Variants in KDM4C observed in about 807,000 individuals in gnomAD.
KDM4C encodes the protein lysine-specific demethylase 4C.
A neutral mutation model predicts 129.3 loss-of-function variants in KDM4C; 81 were observed. The ratio of observed to expected loss-of-function variants is 0.63; its 90% CI spans 0.52 to 0.75. The LOEUF is 0.75. KDM4C is among the 30% of genes least tolerant of loss of function. The probability of loss-of-function intolerance (pLI) is 0.00; values close to 1 mark genes in which losing one functional copy is unlikely to be tolerated. For missense variants in KDM4C, 1,457 were observed against 1,304.0 expected, an observed-to-expected ratio of 1.12 and a Z score of -1.81; for synonymous variants, 573 against 456.1, an observed-to-expected ratio of 1.26 and a Z score of -3.26.
At chr9:6,887,892 T>A (rs953918900) in intron 6 of KDM4C, 68 bp from the exon 7 acceptor site, 21 of 946,902 alleles carry the variant, frequency 2.2e-5, no homozygotes, top group Non-Finnish European at 3.3e-5. Flanking sequence ...AACTTACACA[T>A]TAAAAAACCT....
At chr9:6,990,619 A>G (rs1818572423) in intron 12 of KDM4C, 95 bp downstream of exon 12, 3 of 751,680 alleles carry the variant, frequency 4.0e-6, no homozygotes, top group Non-Finnish European at 6.6e-6. Flanking sequence ...AAAAAATTCA[A>G]CAAGTAGCAA....
At chr9:7,159,244 C>G (rs1421401041) in intron 19 of KDM4C, among the ~76,000 whole-genome samples, 2 of 152,166 alleles carry the variant, frequency 1.3e-5, no homozygotes, top group East Asian at 3.8e-4. Flanking sequence ...TGAGCTGGGT[C>G]TTCCGAATAC....
At chr9:6,726,802 C>G (rs1022156047) in intron 1 of KDM4C, 2 of 152,220 alleles carry the variant, frequency 1.3e-5, no homozygotes, top group Non-Finnish European at 2.9e-5. Context: ...GTGGCTCAAT[C>G]TGGGCTCACT....
chr9:6,936,598 T>A (rs1303894781), intron 8 of KDM4C, among the ~76,000 whole-genome samples: 1 of 152,210 alleles, frequency 6.6e-6, no homozygotes, highest in East Asian at 1.9e-4. Flanking sequence ...TTTCCTGGTT[T>A]AGGTTGAACG....
intron 4 of KDM4C, among the ~76,000 whole-genome samples, chr9:6,839,792 C>G (rs1836576050): frequency 6.6e-6 from 1 of 151,926 alleles, no homozygotes; most frequent in South Asian, 2.1e-4. Context: ...ATCCCAGCTA[C>G]TCAGGAGACT....
intron 17 of KDM4C, among the ~76,000 whole-genome samples, chr9:7,052,894 A>AGAGAGAGAGAGAGAGAGAGCGAGAGAGC (rs1339242817): frequency 1.9e-5 from 2 of 105,500 alleles, no homozygotes; most frequent in Admixed American, 9.4e-5. Flanking sequence ...AGAGAGAGAG[A>AGAGAGAGAGAGAGAGAGAGCGAGAGAGC]GAGAGAGCGA....
At position 7,103,705 on chromosome 9, in the gene KDM4C, C is replaced by T. The variant is rs199598768; in HGVS notation, c.2445C>T (p.His815=). 5.3e-5 allele frequency: 85 copies of T among 1,613,326 alleles called. No individual in the cohort carries two copies. The highest frequency in any genetic ancestry group is 6.2e-5 in the Non-Finnish European group (73 of 1,179,706). ...TCCAGAAATGCATCTTCTGCAGACA[C>T]CGGGTTAAGAGGGTCTCTGGAGCCT... The part of the protein sequence containing the change: ...RLKLKCIFCR[H]RVKRVSGACI... Residue 815 remains histidine (H), a synonymous_variant, in exon 18 of 22, where the codon CAC becomes CAT. Coordinates refer to ENST00000381309, the MANE Select transcript of KDM4C (RefSeq NM_015061.6).
chr9:6,764,552 G>A (rs4740856), intron 1 of KDM4C, among the ~76,000 whole-genome samples: 1 of 152,134 alleles, frequency 6.6e-6, no homozygotes, highest in African/African-American at 2.4e-5. Flanking sequence ...CAATAGACTG[G>A]ATTCCCTATG....
intron 15 of KDM4C, among the ~76,000 whole-genome samples, chr9:7,025,002 C>T (rs952305219): frequency 6.6e-6 from 1 of 152,170 alleles, no homozygotes; most frequent in African/African-American, 2.4e-5. Flanking sequence ...CCTGTTGTTT[C>T]GTGACTTTTA....
chr9:6,923,307 T>C (rs1821888813), intron 8 of KDM4C, among the ~76,000 whole-genome samples: 1 of 152,184 alleles, frequency 6.6e-6, no homozygotes, highest in Non-Finnish European at 1.5e-5. Flanking sequence ...TTTCTGGCTA[T>C]TGTGACTAAT....
chr9:6,960,694 T>C (rs1477619653), intron 8 of KDM4C, among the ~76,000 whole-genome samples: 2 of 152,214 alleles, frequency 1.3e-5, no homozygotes, highest in Non-Finnish European at 2.9e-5. Flanking sequence ...GTGTATCCAT[T>C]TGTCCCATAT....
chr9:6,731,204 C>A (rs1231528704), intron 1 of KDM4C, among the ~76,000 whole-genome samples: 4 of 152,030 alleles, frequency 2.6e-5, no homozygotes, highest in Non-Finnish European at 4.4e-5. Context: ...CCTTCTTATA[C>A]TGGGAACGTC....
chr9:7,095,609 A>C (rs1836329972), intron 17 of KDM4C, among the ~76,000 whole-genome samples: 1 of 152,112 alleles, frequency 6.6e-6, no homozygotes. Context: ...GTGTCCTTTA[A>C]TTTAACTAAT....
At chr9:6,826,538 G>C (rs981520787) in intron 4 of KDM4C, among the ~76,000 whole-genome samples, 2 of 152,092 alleles carry the variant, frequency 1.3e-5, no homozygotes, top group African/African-American at 4.8e-5. Context: ...GCTTTCCCAT[G>C]ATGATAGATG....
At chr9:6,950,612 T>C (rs913235229) in intron 8 of KDM4C, among the ~76,000 whole-genome samples, 1 of 152,358 alleles carries the variant, frequency 6.6e-6, no homozygotes, top group African/African-American at 2.4e-5. Flanking sequence ...AGATTATCTC[T>C]GTATTCTGTT....
At chr9:6,866,211 A>T (rs1563723779) in intron 5 of KDM4C, among the ~76,000 whole-genome samples, 1 of 151,710 alleles carries the variant, frequency 6.6e-6, no homozygotes, top group Non-Finnish European at 1.5e-5. Context: ...ACTATTAAAT[A>T]TGTCTACTTA....
chr9:7,173,066 C>T (rs1408288805), intron 21 of KDM4C, among the ~76,000 whole-genome samples: 1 of 152,254 alleles, frequency 6.6e-6, no homozygotes, highest in Non-Finnish European at 1.5e-5. Flanking sequence ...ACATTGTTTG[C>T]TGTGGGGAAC....
At chr9:6,800,528 C>G (rs922718331) in intron 2 of KDM4C, among the ~76,000 whole-genome samples, 1 of 151,794 alleles carries the variant, frequency 6.6e-6, no homozygotes, top group Non-Finnish European at 1.5e-5. Flanking sequence ...AACAGAGTCC[C>G]TGTCTCAAAA....
intron 17 of KDM4C, among the ~76,000 whole-genome samples, chr9:7,069,153 A>C (rs1306294492): frequency 6.6e-6 from 1 of 152,168 alleles, no homozygotes; most frequent in Non-Finnish European, 1.5e-5. Context: ...TGGCTGTATA[A>C]GTGCTCAATA....
Sources: allele counts gnomAD v4.1 joint callset (sites outside exome capture counted in the v4.1 genomes callset), GRCh38; gene constraint gnomAD v4.1.1; transcripts MANE v1.5; gene names NCBI Gene and HGNC (gene_info 2026-07-23, HGNC 2026-07-21).